The following SPTLC2 variants were observed in gnomAD, a reference collection of about 807,000 sequenced individuals.
SPTLC2 encodes the protein serine palmitoyltransferase 2.
A neutral mutation model predicts 62.0 loss-of-function variants in SPTLC2; 21 were observed. The observed-to-expected ratio is 0.34, with a 90% CI of 0.24 to 0.49. The LOEUF is 0.49. SPTLC2 is among the 20% of genes least tolerant of loss of function. The probability of loss-of-function intolerance (pLI) is 0.99; values close to 1 mark genes in which losing one functional copy is unlikely to be tolerated. For synonymous variants in SPTLC2, 261 were observed against 261.8 expected, an observed-to-expected ratio of 1.00 and a Z score of 0.03; for missense variants, 511 against 713.0, an observed-to-expected ratio of 0.72 and a Z score of 3.23.
At chr14:77,571,949 C>A (rs1223135393) in intron 4 of SPTLC2, among the ~76,000 whole-genome samples, 1 of 134,970 alleles carries the variant, frequency 7.4e-6, no homozygotes, top group East Asian at 2.2e-4. Flanking sequence ...GACCACCACG[C>A]CTGACTATTT....
intron 2 of SPTLC2, among the ~76,000 whole-genome samples, chr14:77,587,906 A>T (rs945893068): frequency 6.6e-6 from 1 of 151,010 alleles, no homozygotes; most frequent in East Asian, 2.0e-4. Flanking sequence ...TAACGTTTTG[A>T]ATTTTTATTT....
chr14:77,544,496 T>C (rs555023551), intron 9 of SPTLC2, among the ~76,000 whole-genome samples: 1 of 152,294 alleles, frequency 6.6e-6, no homozygotes, highest in East Asian at 1.9e-4. Context: ...AGGCCTCGCC[T>C]TGAGATACTC....
In SPTLC2 at chr14:77,557,274, G is replaced by C. The variant is rs1405533677; in HGVS notation, c.851-128C>G. The C allele has an allele frequency of 3.8e-6, 3 of 791,378 alleles. No individual in the cohort carries two copies. In the South Asian group the frequency reaches 4.9e-5, roughly 13 times the overall value. 49.0% of individuals were successfully genotyped at this position (791,378 alleles called of 1,614,324 possible). On this transcript the variant is annotated intron_variant, in intron 6 of 11. Transcript: ENST00000216484. ...TAGCAAAGGACATAATTAGAGTTGG[G>C]CAGAAAAAAGCAGGGCAAAATAGGT...
In SPTLC2 at chr14:77,548,970, T is replaced by G. The variant is rs1279862587; in HGVS notation, c.1303+3126A>C. ...TTTCAATACCAGGTACTTAATGTAC[T>G]CTGGAATCCAACAATAACAAAGTTT... On this transcript the variant is annotated intron_variant, in intron 9 of 11. Transcript: ENST00000216484. Among the ~76,000 whole-genome samples the G allele has an allele frequency of 2.0e-5, 3 of 152,200 alleles. No homozygotes were observed. In the East Asian group the frequency reaches 5.8e-4, roughly 29 times the overall value.
chr14:77,558,629 T>G (rs950964601), intron 6 of SPTLC2, among the ~76,000 whole-genome samples: 5 of 150,858 alleles, frequency 3.3e-5, no homozygotes, highest in Non-Finnish European at 7.4e-5. Context: ...TTTTTTTGTT[T>G]TTTTTTTTTT....
In SPTLC2 at chr14:77,509,099, C is replaced by T. The variant is rs2079319655; in HGVS notation, c.*3185G>A. 1 of 152,146 alleles carries T rather than the reference C, an allele frequency of 6.6e-6. No individual in the cohort carries two copies. The highest frequency in any genetic ancestry group is 1.5e-5 in the Non-Finnish European group (1 of 68,024). 9.4% of individuals were successfully genotyped at this position (152,146 alleles called of 1,614,324 possible). A position where few individuals can be genotyped will look rare whatever the true frequency, so the allele number is the denominator to read the frequency against. On this transcript the variant is annotated 3_prime_UTR_variant, in exon 12 of 12. Transcript: ENST00000216484. The stretch of plus-strand genomic sequence containing the variant: ...CCTTGATGACTACAGAAGCAAGAAT[C>T]CTGTTTTAAAATCCTTGCCCTATCA...
At chr14:77,583,801 T>G (rs1213957848) in intron 2 of SPTLC2, among the ~76,000 whole-genome samples, 1 of 152,100 alleles carries the variant, frequency 6.6e-6, no homozygotes, top group Non-Finnish European at 1.5e-5. Flanking sequence ...ATATAATAAG[T>G]ACTATAAAAG....
At chr14:77,529,732 C>A (rs1483795216) in intron 9 of SPTLC2, among the ~76,000 whole-genome samples, 1 of 149,488 alleles carries the variant, frequency 6.7e-6, no homozygotes, top group South Asian at 2.1e-4. Flanking sequence ...AAGAGATTCT[C>A]GTGCCTCAGC....
intron 2 of SPTLC2, among the ~76,000 whole-genome samples, chr14:77,582,876 C>T (rs1434663771): frequency 6.6e-6 from 1 of 152,128 alleles, no homozygotes; most frequent in East Asian, 1.9e-4. Flanking sequence ...AGGGTAGTAG[C>T]TCTGATCTCA....
chr14:77,587,041 C>T (rs1566788244), intron 2 of SPTLC2, among the ~76,000 whole-genome samples: 1 of 152,030 alleles, frequency 6.6e-6, no homozygotes. Context: ...CTGGCTAACA[C>T]AGTGAAACCC....
intron 10 of SPTLC2, among the ~76,000 whole-genome samples, chr14:77,519,227 A>C (rs2079373765): frequency 6.6e-6 from 1 of 151,820 alleles, no homozygotes; most frequent in African/African-American, 2.4e-5. Flanking sequence ...TTTAGTAGAG[A>C]CGGGGTTTCA....
Position 77,534,168 on chromosome 14 carries a change from TCTCTCTCTCTCACACA to T in SPTLC2, c.1304-12603_1304-12588del, listed in dbSNP as rs1566771727. On this transcript the variant is annotated intron_variant, in intron 9 of 11. Coordinates refer to ENST00000216484, the MANE Select transcript of SPTLC2 (RefSeq NM_004863.4). ...ATGAGACCCTGTCTCTCTCTCTTTC[TCTCTCTCTCTCACACA>T]CACACACACACACACACACACACAC... Among the ~76,000 whole-genome samples, 916 of 91,854 alleles carry T rather than the reference TCTCTCTCTCTCACACA, an allele frequency of 1.0e-2. 4 individuals are homozygous for T. Among genetic ancestry groups the T allele is most frequent in the African/African-American group, 0.035 (860 of 24,902 alleles). The allele number at this position is 91,854 out of a possible 152,430, so 60.3% of individuals were successfully genotyped here.
chr14:77,543,808 G>A (rs1288703483), intron 9 of SPTLC2, among the ~76,000 whole-genome samples: 1 of 152,154 alleles, frequency 6.6e-6, no homozygotes, highest in African/African-American at 2.4e-5. Flanking sequence ...CTGTTCAGAA[G>A]GGAGTGTCAG....
chr14:77,604,783 C>A (rs561234826), intron 1 of SPTLC2, among the ~76,000 whole-genome samples: 10 of 149,066 alleles, frequency 6.7e-5, no homozygotes, highest in Non-Finnish European at 1.0e-4. Flanking sequence ...AGGAGAATTG[C>A]TTGAACCTGG....
intron 9 of SPTLC2, among the ~76,000 whole-genome samples, chr14:77,535,168 C>T (rs927209900): frequency 2.0e-5 from 3 of 152,176 alleles, no homozygotes; most frequent in Non-Finnish European, 4.4e-5. Context: ...CTTAGGTGAT[C>T]TGCCCGCCTC....
intron 6 of SPTLC2, among the ~76,000 whole-genome samples, chr14:77,559,711 G>C (rs1376985102): frequency 6.6e-6 from 1 of 152,070 alleles, no homozygotes; most frequent in Non-Finnish European, 1.5e-5. Flanking sequence ...GCAACACAGC[G>C]AGACTTTGTC....
At chr14:77,527,258 G>C (rs1051009594) in intron 9 of SPTLC2, among the ~76,000 whole-genome samples, 2 of 152,000 alleles carry the variant, frequency 1.3e-5, no homozygotes, top group Non-Finnish European at 2.9e-5. Context: ...CACCATGCCT[G>C]GCTAATTTTT....
chr14:77,573,505 AAAT>A (rs2079695975), intron 4 of SPTLC2, among the ~76,000 whole-genome samples: 1 of 2,440 alleles, frequency 4.1e-4, no homozygotes, highest in African/African-American at 8.5e-4. Context: ...TTTTAAAAAT[AAAT>A]AAATAAATAA....
chr14:77,594,096 A>G (rs1039038928), intron 2 of SPTLC2, among the ~76,000 whole-genome samples: 1 of 152,198 alleles, frequency 6.6e-6, no homozygotes, highest in Non-Finnish European at 1.5e-5. Flanking sequence ...ATTTCCTTGT[A>G]TTACTTCCTC....
Sources: gnomAD v4.1 joint callset for allele counts (sites outside exome capture counted in the v4.1 genomes callset) on GRCh38, gnomAD v4.1.1 for gene constraint, MANE v1.5 for transcripts, NCBI Gene and HGNC (gene_info 2026-07-23, HGNC 2026-07-21) for gene names.